Variants in RAB28 observed in about 807,000 individuals in gnomAD.
The protein encoded by RAB28 is RAB28, member RAS oncogene family.
RAB28 carries 24 observed loss-of-function variants against 31.7 expected under a neutral mutation model. The ratio of observed to expected loss-of-function variants is 0.76; its 90% confidence interval spans 0.55 to 1.06. The LOEUF (loss-of-function observed/expected upper bound fraction) is 1.06, where lower values mean the gene tolerates loss of function less well. Ranked by LOEUF, RAB28 falls within the 50% of genes least tolerant of loss-of-function variation. The probability of loss-of-function intolerance (pLI) is 0.00; values close to 1 mark genes in which losing one functional copy is unlikely to be tolerated. For synonymous variants in RAB28, 100 were observed against 90.4 expected (o/e 1.11, Z -0.60); for missense variants, 254 against 258.5 (o/e 0.98, Z 0.12).
intron 4 of RAB28, among the ~76,000 whole-genome samples, chr4:13,418,466 T>C (rs932323245): frequency 1.3e-5 from 2 of 150,488 alleles, no homozygotes; most frequent in African/African-American, 2.5e-5. Context: ...TTCACCAAGG[T>C]TGAAATGAAG....
chr4:13,471,031 T>C (rs1242400865), intron 3 of RAB28, among the ~76,000 whole-genome samples: 2 of 152,072 alleles, frequency 1.3e-5, no homozygotes, highest in East Asian at 3.9e-4. Context: ...TTGACTAGTT[T>C]AATGACCCAG....
Position 13,473,710 on chromosome 4 carries a change from G to A in RAB28, c.261+608C>T, listed in dbSNP as rs115051494. The A allele has an allele frequency of 5.8e-3, 1,543 of 264,364 alleles. 24 individuals carry two copies. Among genetic ancestry groups the A allele is most frequent in the African/African-American group, 0.033 (1,433 of 43,428 alleles). 16.4% of individuals were successfully genotyped at this position (264,364 alleles called of 1,614,324 possible). A position where few individuals can be genotyped will look rare whatever the true frequency, so the allele number is the denominator to read the frequency against. ...CATGGAGAATATAAGCTCATGTTGC[G>A]AAATTTATGTAATTATTCAGGTCAT... On this transcript the variant is annotated intron_variant, in intron 3 of 6. Transcript: ENST00000330852.
intron 4 of RAB28, among the ~76,000 whole-genome samples, chr4:13,381,888 T>C (rs750742001): frequency 2.0e-5 from 3 of 152,176 alleles, no homozygotes; most frequent in Non-Finnish European, 2.9e-5. Flanking sequence ...TATTATCATC[T>C]GTATAAGTTC....
intron 4 of RAB28, among the ~76,000 whole-genome samples, chr4:13,401,113 G>A (rs753248709): frequency 9.9e-5 from 15 of 152,104 alleles, no homozygotes; most frequent in Non-Finnish European, 2.1e-4. Flanking sequence ...TTGGTTTTCT[G>A]GAAAAGTTTA....
intron 4 of RAB28, among the ~76,000 whole-genome samples, chr4:13,403,624 G>A (rs1026727301): frequency 2.0e-5 from 3 of 152,108 alleles, no homozygotes; most frequent in Non-Finnish European, 4.4e-5. Flanking sequence ...TTCTGTTTCA[G>A]TATTATGTAT....
intron 4 of RAB28, among the ~76,000 whole-genome samples, chr4:13,451,359 T>C (rs1350183396): frequency 2.0e-5 from 3 of 151,638 alleles, no homozygotes; most frequent in Non-Finnish European, 1.5e-5. Flanking sequence ...TTCAGATCAT[T>C]TGCCCATTTT....
intron 4 of RAB28, among the ~76,000 whole-genome samples, chr4:13,443,651 C>A (rs1327651110): frequency 2.6e-5 from 4 of 152,088 alleles, no homozygotes; most frequent in African/African-American, 7.2e-5. Context: ...ATTAACACAC[C>A]CATAACCTCA....
At chr4:13,425,431 G>T (rs1713421134) in intron 4 of RAB28, among the ~76,000 whole-genome samples, 1 of 152,054 alleles carries the variant, frequency 6.6e-6, no homozygotes, top group Non-Finnish European at 1.5e-5. Flanking sequence ...CTGTTTCCTA[G>T]AAGTCCTTCA....
At chr4:13,436,927 CA>C (rs1301480609) in intron 4 of RAB28, among the ~76,000 whole-genome samples, 1 of 151,628 alleles carries the variant, frequency 6.6e-6, no homozygotes, top group East Asian at 1.9e-4. Context: ...GCAAAAAGAA[CA>C]ACAAAAGCAT....
rs562845938 is a variant in RAB28, at chr4:13,420,147, G to C, written c.392-38553C>G. 7.2e-5 allele frequency among the ~76,000 whole-genome samples: 11 copies of C among 152,222 alleles called. No individual in the cohort carries two copies. In the South Asian group the frequency reaches 1.7e-3, roughly 23 times the overall value. ...TAAACATCTCTACGCAAATAAACTA[G>C]AAAATCTACAAGAAATGGATACATT... On this transcript the variant is annotated intron_variant, in intron 4 of 6. Transcript: ENST00000330852.
At chr4:13,451,700 T>C (rs112089102) in intron 4 of RAB28, among the ~76,000 whole-genome samples, 2 of 151,916 alleles carry the variant, frequency 1.3e-5, no homozygotes, top group African/African-American at 4.8e-5. Flanking sequence ...TCTAGTAGTG[T>C]TAGTTTACAT....
chr4:13,458,703 T>A (rs2108958364), intron 4 of RAB28, among the ~76,000 whole-genome samples: 1 of 152,340 alleles, frequency 6.6e-6, no homozygotes, highest in Non-Finnish European at 1.5e-5. Context: ...TTATACCGTA[T>A]TTTTACTGTA....
Position 13,368,252 on chromosome 4 carries a change from T to C in RAB28, c.*306A>G. 1 of 1,025,342 alleles carries C rather than the reference T, an allele frequency of 9.8e-7. No homozygotes were observed. The highest frequency in any genetic ancestry group is 1.2e-6 in the Non-Finnish European group (1 of 856,730). 63.5% of individuals were successfully genotyped at this position (1,025,342 alleles called of 1,614,324 possible). A position where few individuals can be genotyped will look rare whatever the true frequency, so the allele number is the denominator to read the frequency against. On this transcript the variant is annotated 3_prime_UTR_variant, in exon 7 of 7. Coordinates refer to ENST00000330852, the MANE Select transcript of RAB28 (RefSeq NM_001017979.3). The stretch of plus-strand genomic sequence containing the variant: ...AGTTTTCATATTAAGTTAAAAAAAT[T>C]TACATCAATGAAAAAAGAAGCAAGG...
chr4:13,476,265 C>CATCT (rs1484177467), intron 2 of RAB28, among the ~76,000 whole-genome samples: 1 of 151,478 alleles, frequency 6.6e-6, no homozygotes, highest in Non-Finnish European at 1.5e-5. Flanking sequence ...GACCCTAAAT[C>CATCT]ATCTATCTAT....
In RAB28 at chr4:13,376,614, C is replaced by A; in HGVS notation, c.504G>T (p.Leu168=). 2 of 1,598,838 alleles carry A rather than the reference C, an allele frequency of 1.3e-6. No homozygotes were observed. The highest frequency in any genetic ancestry group is 1.7e-5 in the Admixed American group (1 of 57,146). ...VSAKTGDSVF[L]CFQKVAAEIL... ...TTTCAGCAGCAACTTTCTGAAAGCA[C>A]AGGAAGACCTACATAACAAAAATGG... Residue 168 remains leucine (L), a synonymous_variant, in exon 6 of 7, where the codon CTG becomes CTT. Transcript: ENST00000330852.
chr4:13,404,801 T>G (rs1711978110), intron 4 of RAB28, among the ~76,000 whole-genome samples: 1 of 152,108 alleles, frequency 6.6e-6, no homozygotes. Context: ...AAAGAATACT[T>G]TTTTTACAGA....
intron 4 of RAB28, among the ~76,000 whole-genome samples, chr4:13,460,155 T>A (rs931225774): frequency 1.3e-5 from 2 of 152,204 alleles, no homozygotes; most frequent in Admixed American, 1.3e-4. Flanking sequence ...AATGTCTCAA[T>A]AAGTCCTCTG....
chr4:13,478,329 A>G (rs1026660731), intron 2 of RAB28, among the ~76,000 whole-genome samples: 1 of 151,604 alleles, frequency 6.6e-6, no homozygotes, highest in African/African-American at 2.4e-5. Flanking sequence ...GAAAAATTGG[A>G]ATTCTTTTTT....
chr4:13,371,022 C>A (rs1028932163), intron 6 of RAB28: 8 of 983,946 alleles, frequency 8.1e-6, no homozygotes, highest in Non-Finnish European at 8.4e-6. Context: ...AGGACACATA[C>A]CCTTCATAAT....
Sources: allele counts gnomAD v4.1 joint callset (sites outside exome capture counted in the v4.1 genomes callset), GRCh38; gene constraint gnomAD v4.1.1; transcripts MANE v1.5; gene names NCBI Gene and HGNC (gene_info 2026-07-23, HGNC 2026-07-21).